The following BCAS3 variants were observed in gnomAD, a reference collection of about 807,000 sequenced individuals.
BCAS3 encodes BCAS4/BCAS3 fusion.
A neutral mutation model predicts 116.1 loss-of-function variants in BCAS3; 53 were observed. That is an observed-to-expected ratio of 0.46 (90% confidence interval 0.37 to 0.57). The LOEUF is 0.57. BCAS3 is among the 20% of genes least tolerant of loss of function. BCAS3 has a pLI of 0.00. For synonymous variants in BCAS3, 391 were observed against 408.2 expected, an observed-to-expected ratio of 0.96 and a Z score of 0.51; for missense variants, 917 against 1,165.4, an observed-to-expected ratio of 0.79 and a Z score of 3.10.
intron 14 of BCAS3, among the ~76,000 whole-genome samples, chr17:60,949,330 T>A (rs1599900311): frequency 6.6e-6 from 1 of 152,322 alleles, no homozygotes; most frequent in East Asian, 1.9e-4. Flanking sequence ...GGATCATAGC[T>A]GAGTACAGCC....
chr17:61,084,741 T>G lies in BCAS3; in HGVS notation c.2425+177T>G, dbSNP rs2072939195. ...TTTCTTGCTGAACAATGCCATGCTTTTAAGCATTCCTAAGGTTGGTGAATG... is the reference window on the plus strand; with the variant it reads ...TTTCTTGCTGAACAATGCCATGCTTGTAAGCATTCCTAAGGTTGGTGAATG... On this transcript the variant is annotated intron_variant, in intron 22 of 23. Transcript: ENST00000407086. This position sits in a 1 kb window ranked among gnomAD's most constrained non-coding sequence, Gnocchi z 5.5. Among the ~76,000 whole-genome samples, 1 of 152,236 alleles carries G rather than the reference T, an allele frequency of 6.6e-6. No homozygotes were observed. Among genetic ancestry groups the G allele is most frequent in the Admixed American group, 6.5e-5 (1 of 15,284 alleles).
chr17:61,169,420 C>A (rs2078707573), intron 22 of BCAS3, among the ~76,000 whole-genome samples: 1 of 152,086 alleles, frequency 6.6e-6, no homozygotes, highest in South Asian at 2.1e-4. Context: ...AGATAGGATT[C>A]TTTTTCCTTT....
In BCAS3 at chr17:61,376,997, C is replaced by T. The variant is rs2059369491; in HGVS notation, c.2593+8503C>T. 1.3e-5 allele frequency among the ~76,000 whole-genome samples: 2 copies of T among 152,188 alleles called. No individual in the cohort carries two copies. The highest frequency in any genetic ancestry group is 4.8e-5 in the African/African-American group (2 of 41,436). On this transcript the variant is annotated intron_variant, in intron 23 of 23. Coordinates refer to ENST00000407086, the MANE Select transcript of BCAS3 (RefSeq NM_017679.5). This position sits in a 1 kb window ranked among gnomAD's most constrained non-coding sequence, Gnocchi z 4.5. ...AAATAAGAGAGACAAGTTTCCTACC[C>T]TCAAAGAGATTAAAGCCCCAGAGGA...
At chr17:60,684,200 G>T (rs775081744) in intron 3 of BCAS3, among the ~76,000 whole-genome samples, 164 bp downstream of exon 3, 1 of 152,302 alleles carries the variant, frequency 6.6e-6, no homozygotes, top group Non-Finnish European at 1.5e-5. Flanking sequence ...TAGATGTGCC[G>T]CAGTGTTGTG....
Position 61,161,942 on chromosome 17 carries a change from A to G in BCAS3, c.2425+77378A>G, listed in dbSNP as rs1385913089. 6.6e-6 allele frequency among the ~76,000 whole-genome samples: 1 copy of G among 152,242 alleles called. No individual in the cohort carries two copies. The highest frequency in any genetic ancestry group is 1.9e-4 in the East Asian group (1 of 5,208). ...TCAATTATATTACTCTCTCTGAGGC[A>G]AAAAGCACACATTTAATAACTAAAT... On this transcript the variant is annotated intron_variant, in intron 22 of 23. Transcript: ENST00000407086. This position sits in a 1 kb window ranked among gnomAD's most constrained non-coding sequence, Gnocchi z 4.8.
At chr17:60,875,311 A>G (rs1487273768) in intron 9 of BCAS3, among the ~76,000 whole-genome samples, 2 of 152,074 alleles carry the variant, frequency 1.3e-5, no homozygotes, top group East Asian at 3.8e-4. Flanking sequence ...CTGTGGGAGT[A>G]TTTGGCAGCT....
chr17:60,961,579 A>G lies in BCAS3; in HGVS notation c.1221+14227A>G, dbSNP rs1276346766. ...TGCAAAGATAGTATAGAAAGTTTCT[A>G]TACCATATCAAATTTCTCCTTTTTT... On this transcript the variant is annotated intron_variant, in intron 14 of 23. Transcript: ENST00000407086. The surrounding 1 kb of genome is among the most constrained non-coding windows in gnomAD (Gnocchi z 4.8). Among the ~76,000 whole-genome samples the G allele has an allele frequency of 1.3e-5, 2 of 152,172 alleles. No individual in the cohort carries two copies. The highest frequency in any genetic ancestry group is 6.5e-5 in the Admixed American group (1 of 15,282).
At chr17:61,074,232 A>G (rs984943733) in intron 19 of BCAS3, among the ~76,000 whole-genome samples, 5 of 152,152 alleles carry the variant, frequency 3.3e-5, no homozygotes, top group African/African-American at 4.8e-5. Flanking sequence ...TTAAAAAAAA[A>G]AAGAAGAAAA....
intron 16 of BCAS3, among the ~76,000 whole-genome samples, chr17:61,024,944 A>G (rs1782471179): frequency 6.6e-6 from 1 of 152,106 alleles, no homozygotes; most frequent in African/African-American, 2.4e-5. Context: ...TAGGTACAAT[A>G]TAACGACGTA....
intron 22 of BCAS3, among the ~76,000 whole-genome samples, chr17:61,254,150 A>G (rs2048583338): frequency 6.6e-6 from 1 of 152,200 alleles, no homozygotes; most frequent in African/African-American, 2.4e-5. Flanking sequence ...GTATTATTAG[A>G]GAGCAATCCC....
In BCAS3 at chr17:61,128,964, T is replaced by A. The variant is rs1210252677; in HGVS notation, c.2425+44400T>A. Among the ~76,000 whole-genome samples, 1 of 152,222 alleles carries A rather than the reference T, an allele frequency of 6.6e-6. No individual in the cohort carries two copies. The highest frequency in any genetic ancestry group is 1.5e-5 in the Non-Finnish European group (1 of 68,034). On this transcript the variant is annotated intron_variant, in intron 22 of 23. Transcript: ENST00000407086. This position sits in a 1 kb window ranked among gnomAD's most constrained non-coding sequence, Gnocchi z 4.1. The stretch of plus-strand genomic sequence containing the variant: ...AGGGGGACAGGGCTATATTGAGTTC[T>A]CCGCAGTTTTCTAACAGAGAGATTT...
intron 6 of BCAS3, among the ~76,000 whole-genome samples, chr17:60,807,552 C>T (rs966328158): frequency 6.6e-6 from 1 of 151,986 alleles, no homozygotes; most frequent in African/African-American, 2.4e-5. Context: ...GAGGTTGAGG[C>T]GGGTGGATCA....
intron 15 of BCAS3, among the ~76,000 whole-genome samples, chr17:60,999,573 A>G (rs113907384): frequency 1.1e-3 from 151 of 138,122 alleles, no homozygotes; most frequent in African/African-American, 5.1e-3. Flanking sequence ...AAGAAAAAGA[A>G]AAAGAAATGT....
In BCAS3 at chr17:61,241,486, C is replaced by T. The variant is rs545222454; in HGVS notation, c.2426-126841C>T. On this transcript the variant is annotated intron_variant, in intron 22 of 23. Transcript: ENST00000407086. This position sits in a 1 kb window ranked among gnomAD's most constrained non-coding sequence, Gnocchi z 4.6. ...CAACACTTTGGGAGGCCGAGGCAGG[C>T]GGATCACGAGGTCAGGAGATCAAGA... is the stretch of plus-strand genomic sequence containing the variant. Among the ~76,000 whole-genome samples the T allele has an allele frequency of 2.2e-3, 339 of 152,014 alleles. 2 individuals carry two copies. Among genetic ancestry groups the T allele is most frequent in the African/African-American group, 7.4e-3 (308 of 41,454 alleles).
At chr17:61,297,142 A>G (rs1289232750) in intron 22 of BCAS3, among the ~76,000 whole-genome samples, 1 of 152,222 alleles carries the variant, frequency 6.6e-6, no homozygotes, top group East Asian at 1.9e-4. Flanking sequence ...AGGAGGCTCC[A>G]ACATGGGAAA....
At position 61,217,930 on chromosome 17, in the gene BCAS3, AG is replaced by A. The variant is rs1388925764; in HGVS notation, c.2425+133367del. Among the ~76,000 whole-genome samples, 1 of 152,158 alleles carries A rather than the reference AG, an allele frequency of 6.6e-6. No homozygotes were observed. The highest frequency in any genetic ancestry group is 2.4e-5 in the African/African-American group (1 of 41,442). ...TGAGAGGCCTTCATGCTTTTGAATG[AG>A]TTCTGTTACAACAGATCACTGATAA... On this transcript the variant is annotated intron_variant, in intron 22 of 23. Coordinates refer to ENST00000407086, the MANE Select transcript of BCAS3 (RefSeq NM_017679.5). This position sits in a 1 kb window ranked among gnomAD's most constrained non-coding sequence, Gnocchi z 5.2.
In BCAS3 at chr17:61,368,621, G is replaced by A. The variant is rs2058869842; in HGVS notation, c.2593+127G>A. On this transcript the variant is annotated intron_variant, in intron 23 of 23. Coordinates refer to ENST00000407086, the MANE Select transcript of BCAS3 (RefSeq NM_017679.5). This position sits in a 1 kb window ranked among gnomAD's most constrained non-coding sequence, Gnocchi z 6.0. ...GTTGGTTTCTTTAGTTAGCACTCCA[G>A]TGGCTATCCGTCTGAGGAGCTCTGG... 2.7e-6 allele frequency: 3 copies of A among 1,110,472 alleles called. No homozygotes were observed. The Admixed American group carries it at 8.0e-5, about 30-fold the overall frequency. 68.8% of individuals were successfully genotyped at this position (1,110,472 alleles called of 1,614,324 possible).
intron 22 of BCAS3, among the ~76,000 whole-genome samples, chr17:61,350,742 C>G (rs1214673872): frequency 6.6e-6 from 1 of 152,022 alleles, no homozygotes; most frequent in Non-Finnish European, 1.5e-5. Flanking sequence ...AAGTGATCCT[C>G]CCATCTCAGC....
intron 6 of BCAS3, among the ~76,000 whole-genome samples, chr17:60,766,786 A>G (rs1278185427): frequency 1.3e-5 from 2 of 152,210 alleles, no homozygotes; most frequent in Non-Finnish European, 2.9e-5. Context: ...TTGTTCAGCT[A>G]TGCTCTGTCC....
Sources: allele counts gnomAD v4.1 joint callset (sites outside exome capture counted in the v4.1 genomes callset), GRCh38; gene constraint gnomAD v4.1.1; non-coding constraint Gnocchi (gnomAD v3.1); transcripts MANE v1.5; gene names NCBI Gene and HGNC (gene_info 2026-07-23, HGNC 2026-07-21).